The following A4GALT variants were observed in gnomAD, a reference collection of about 807,000 sequenced individuals.
The protein encoded by A4GALT is alpha 1,4-galactosyltransferase (P1PK blood group), also known as lactosylceramide 4-alpha-galactosyltransferase.
For missense variants in A4GALT, 512 were observed against 486.0 expected, an observed-to-expected ratio of 1.05 and a Z score of -0.50; for synonymous variants, 257 against 220.7, an observed-to-expected ratio of 1.16 and a Z score of -1.46.
chr22:42,706,536 T>C (rs993045075), intron 1 of A4GALT, among the ~76,000 whole-genome samples: 1 of 151,916 alleles, frequency 6.6e-6, no homozygotes, highest in Admixed American at 6.6e-5. Context: ...CGCTTACGCC[T>C]GTAATCTCAG....
In A4GALT at chr22:42,692,844, C is replaced by G. The variant is rs767759741; in HGVS notation, c.*46G>C. On this transcript the variant is annotated 3_prime_UTR_variant, in exon 3 of 3. Coordinates refer to ENST00000642412, the MANE Select transcript of A4GALT (RefSeq NM_017436.7). This position sits in a 1 kb window ranked among gnomAD's most constrained non-coding sequence, Gnocchi z 4.6. ...TCTTGCCTCCCCGGGAAGGGCGGCC[C>G]AGTGCCCCATCAGGAGCAGGTTGGG... 1 of 1,593,934 alleles carries G rather than the reference C, an allele frequency of 6.3e-7. No homozygotes were observed. Among genetic ancestry groups the G allele is most frequent in the Admixed American group, 1.7e-5 (1 of 59,988 alleles).
In A4GALT at chr22:42,693,063, C is replaced by T. The variant is rs1930578728; in HGVS notation, c.889G>A (p.Glu297Lys). ...IPWQDWKKYF[E>K]DINPEELPRL... The stretch of plus-strand genomic sequence containing the variant: ...GGCAGCTCCTCGGGGTTGATGTCCT[C>T]AAAGTACTTCTTCCAGTCCTGCCAG... The change falls in exon 3 of 3, where the codon GAG becomes AAG. Residue 297 changes from glutamate to lysine, a missense_variant. By Grantham distance (56) the Glu-to-Lys change is moderately conservative. Coordinates refer to ENST00000642412, the MANE Select transcript of A4GALT (RefSeq NM_017436.7). 4 of 1,612,700 alleles carry T rather than the reference C, an allele frequency of 2.5e-6. No homozygotes were observed. Among genetic ancestry groups the T allele is most frequent in the Non-Finnish European group, 3.4e-6 (4 of 1,179,128 alleles).
At chr22:42,714,109 A>G (rs5758891) in intron 1 of A4GALT, among the ~76,000 whole-genome samples, 75,418 of 151,388 alleles carry the variant, frequency 0.5, 20,738 homozygotes, top group East Asian at 0.82. Context: ...TAGGGAGACC[A>G]CATCACTACA....
intron 1 of A4GALT, among the ~76,000 whole-genome samples, chr22:42,714,489 G>A (rs1187722786): frequency 6.6e-6 from 1 of 151,606 alleles, no homozygotes; most frequent in Admixed American, 6.6e-5. Context: ...GTAGGAGGAT[G>A]GTTTGCGCCC....
chr22:42,702,158 C>T (rs552692515), intron 1 of A4GALT, among the ~76,000 whole-genome samples: 9 of 152,066 alleles, frequency 5.9e-5, no homozygotes, highest in Middle Eastern at 3.4e-3. Context: ...CAGCAGACAC[C>T]GGGATGCCTT....
At chr22:42,721,247 T>A (rs182619318), upstream of A4GALT, 1 of 152,268 alleles carries the variant, frequency 6.6e-6, no homozygotes, top group African/African-American at 2.4e-5. Flanking sequence ...GCCGGGACCG[T>A]GCTAAGGGCA....
rs569198986 is a variant in A4GALT at position 42,709,986 on chromosome 22, T to C, written c.-188+10811A>G. On this transcript the variant is annotated intron_variant, in intron 1 of 2. Coordinates refer to ENST00000642412, the MANE Select transcript of A4GALT (RefSeq NM_017436.7). ...AAAGTAGCCAACACTTAGTAAATTA[T>C]GAATCAATGGACACTTCCTTAACAA... Among the ~76,000 whole-genome samples the C allele has an allele frequency of 5.3e-5, 8 of 152,294 alleles. No individual in the cohort carries two copies. In the South Asian group the frequency reaches 1.7e-3, roughly 32 times the overall value.
chr22:42,705,382 CTT>C (rs1920990022), intron 1 of A4GALT, among the ~76,000 whole-genome samples: 1 of 151,998 alleles, frequency 6.6e-6, no homozygotes, highest in Admixed American at 6.6e-5. Context: ...GGGTGGATCA[CTT>C]GAGGTCGGGA....
intron 1 of A4GALT, among the ~76,000 whole-genome samples, chr22:42,711,717 T>G (rs981315306): frequency 2.6e-5 from 4 of 152,088 alleles, no homozygotes; most frequent in Non-Finnish European, 5.9e-5. Context: ...CACTACAACC[T>G]CCACTTCCTG....
chr22:42,714,532 C>A (rs969170086), intron 1 of A4GALT, among the ~76,000 whole-genome samples: 1 of 151,754 alleles, frequency 6.6e-6, no homozygotes, highest in African/African-American at 2.4e-5. Context: ...TAACTGCACA[C>A]CAGGTTGGGC....
chr22:42,707,338 T>C (rs1490157649), intron 1 of A4GALT, among the ~76,000 whole-genome samples: 2 of 152,170 alleles, frequency 1.3e-5, no homozygotes, highest in Non-Finnish European at 2.9e-5. Context: ...ATTTTATCTA[T>C]GGGATTCCTA....
intron 1 of A4GALT, among the ~76,000 whole-genome samples, chr22:42,700,774 T>C (rs1202883442): frequency 6.6e-6 from 1 of 152,164 alleles, no homozygotes; most frequent in Non-Finnish European, 1.5e-5. Flanking sequence ...GCAATGCATC[T>C]CCAGGGCCCA....
At position 42,693,928 on chromosome 22, in the gene A4GALT, CAGG is replaced by C. The variant is rs1384446932; in HGVS notation, c.21_23del (p.Leu9del). 1 of 1,598,516 alleles carries C rather than the reference CAGG, an allele frequency of 6.3e-7. No homozygotes were observed. Among genetic ancestry groups the C allele is most frequent in the Non-Finnish European group, 8.5e-7 (1 of 1,173,078 alleles). ...TTGGGGCGCCCCGGAGCAGCCGCAG[CAGG>C]AGGTCGGGGGGCTTGGACATGGTAT... On this transcript the variant is annotated inframe_deletion, in exon 3 of 3. Transcript: ENST00000642412.
upstream of A4GALT, chr22:42,720,916 G>A (rs1465415619): frequency 0.011 from 2 of 188 alleles, no homozygotes; most frequent in Admixed American, 0.028. Flanking sequence ...GGCCCGGGGC[G>A]GGGTCAGGCC....
At chr22:42,712,524 G>A (rs899929495) in intron 1 of A4GALT, among the ~76,000 whole-genome samples, 1 of 152,244 alleles carries the variant, frequency 6.6e-6, no homozygotes, top group African/African-American at 2.4e-5. Context: ...ATCTTGGTCT[G>A]AGTTAGAAGA....
In A4GALT at chr22:42,693,436, G is replaced by C. The variant is rs576019459; in HGVS notation, c.516C>G (p.Pro172=). The C allele has an allele frequency of 1.9e-6, 3 of 1,613,190 alleles. No individual in the cohort carries two copies. The African/African-American group carries it at 4.0e-5, about 22-fold the overall frequency. The part of the protein sequence containing the change: ...VQGRWEPYLL[P]VLSDASRIAL... ...CGATCCTGGAGGCGTCGGAGAGCAC[G>C]GGCAGCAGGTAGGGCTCCCAGCGCC... Residue 172 remains proline, a synonymous_variant, in exon 3 of 3, where the codon CCC becomes CCG. Coordinates refer to ENST00000642412, the MANE Select transcript of A4GALT (RefSeq NM_017436.7).
intron 1 of A4GALT, among the ~76,000 whole-genome samples, chr22:42,720,123 C>T (rs1216586457): frequency 6.6e-6 from 1 of 152,182 alleles, no homozygotes; most frequent in African/African-American, 2.4e-5. Context: ...CTCAACCTTC[C>T]CCAGCTGGAG....
intron 1 of A4GALT, among the ~76,000 whole-genome samples, chr22:42,713,885 C>A (rs1003545284): frequency 6.6e-6 from 1 of 151,318 alleles, no homozygotes; most frequent in African/African-American, 2.4e-5. Flanking sequence ...GTGGCTCACA[C>A]CTGTAATCCC....
In A4GALT at chr22:42,703,057, C is replaced by CTGTG. The variant is rs71311456; in HGVS notation, c.-187-7430_-187-7427dup. Among the ~76,000 whole-genome samples, 671 of 134,400 alleles carry CTGTG rather than the reference C, an allele frequency of 5.0e-3. 12 individuals are homozygous for CTGTG. Among genetic ancestry groups the CTGTG allele is most frequent in the African/African-American group, 6.0e-3 (187 of 31,024 alleles). 88.2% of individuals were successfully genotyped at this position (134,400 alleles called of 152,430 possible). A position where few individuals can be genotyped will look rare whatever the true frequency, so the allele number is the denominator to read the frequency against. ...GCCTTGGCTGGCACATGCTGCCCTG[C>CTGTG]TGTGTGTGTGTGTGTGTGTGTGTGT... is the stretch of plus-strand genomic sequence containing the variant. On this transcript the variant is annotated intron_variant, in intron 1 of 2. Coordinates refer to ENST00000642412, the MANE Select transcript of A4GALT (RefSeq NM_017436.7).
Sources: gnomAD v4.1 joint callset for allele counts (sites outside exome capture counted in the v4.1 genomes callset) on GRCh38, gnomAD v4.1.1 for gene constraint, Gnocchi (gnomAD v3.1) non-coding constraint, MANE v1.5 for transcripts, NCBI Gene and HGNC (gene_info 2026-07-23, HGNC 2026-07-21) for gene names.